The following FIP1L1 variants were observed in gnomAD, a reference collection of about 807,000 sequenced individuals.
The protein encoded by FIP1L1 is pre-mRNA 3'-end-processing factor FIP1.
In FIP1L1, 21 loss-of-function variants were observed where a neutral mutation model predicts 84.6. That is an observed-to-expected ratio of 0.25 (90% CI 0.18 to 0.36). The LOEUF (loss-of-function observed/expected upper bound fraction) is 0.36. FIP1L1 is among the 10% of genes least tolerant of loss of function. The pLI is 1.00. For missense variants in FIP1L1, 526 were observed against 751.1 expected (o/e 0.70, Z 3.50); for synonymous variants, 263 against 242.3 (o/e 1.09, Z -0.80).
At chr4:53,391,952 T>G (rs1251895044) in intron 9 of FIP1L1, among the ~76,000 whole-genome samples, 3 of 152,198 alleles carry the variant, frequency 2.0e-5, no homozygotes, top group African/African-American at 7.2e-5. Context: ...GCTCAAGATA[T>G]CTTCAAAAAT....
intron 5 of FIP1L1, among the ~76,000 whole-genome samples, chr4:53,388,027 A>G (rs1244822712): frequency 1.3e-5 from 2 of 152,216 alleles, no homozygotes; most frequent in Non-Finnish European, 2.9e-5. Context: ...GACAGTAGTA[A>G]TATTTGGTCC....
chr4:53,410,133 G>T (rs1382700751), intron 10 of FIP1L1, among the ~76,000 whole-genome samples: 1 of 152,188 alleles, frequency 6.6e-6, no homozygotes. Context: ...GGCCACCTTG[G>T]CTCCATCCTT....
At chr4:53,407,849 A>G (rs1054152653) in intron 10 of FIP1L1, among the ~76,000 whole-genome samples, 1 of 152,096 alleles carries the variant, frequency 6.6e-6, no homozygotes, top group Non-Finnish European at 1.5e-5. Context: ...TTTGCTTGGT[A>G]GATCTTCCTC....
At chr4:53,404,825 T>G (rs1752354055) in intron 10 of FIP1L1, among the ~76,000 whole-genome samples, 1 of 152,134 alleles carries the variant, frequency 6.6e-6, no homozygotes, top group Admixed American at 6.5e-5. Context: ...GAGAAGTGTC[T>G]GTTCATGTCC....
chr4:53,413,575 A>G (rs773019351), intron 10 of FIP1L1, among the ~76,000 whole-genome samples: 1 of 152,054 alleles, frequency 6.6e-6, no homozygotes, highest in Admixed American at 6.6e-5. Context: ...AAATACACAT[A>G]TAACAGATTC....
chr4:53,390,514 A>G lies in FIP1L1; in HGVS notation c.398-7A>G, dbSNP rs752754997. 14 of 1,588,564 alleles carry G rather than the reference A, an allele frequency of 8.8e-6. No homozygotes were observed. The East Asian group carries it at 2.5e-4, about 28-fold the overall frequency. On this transcript the variant is annotated splice_polypyrimidine_tract_variant and splice_region_variant and intron_variant, in intron 6 of 17. Transcript: ENST00000337488. ...TAGCTCCTTCATTTTGTAATTTTAT[A>G]AAACAGGGACAAAAGTCAAAGGAGT... is the stretch of plus-strand genomic sequence containing the variant.
intron 1 of FIP1L1, chr4:53,378,469 TAAG>T (rs1359786458): frequency 6.6e-6 from 1 of 152,308 alleles, no homozygotes; most frequent in African/African-American, 2.4e-5. Flanking sequence ...AATAATTAAT[TAAG>T]AGAGAGAGAG....
intron 16 of FIP1L1, chr4:53,458,430 CAT>C (rs1274639292): frequency 4.8e-5 from 16 of 332,700 alleles, no homozygotes; most frequent in East Asian, 1.4e-4. Context: ...GGTCATTTAA[CAT>C]GTGTAATTAT....
chr4:53,437,017 C>T (rs1302838630), intron 13 of FIP1L1, among the ~76,000 whole-genome samples: 3 of 151,690 alleles, frequency 2.0e-5, no homozygotes, highest in African/African-American at 7.3e-5. Flanking sequence ...TGAAGAAACC[C>T]CATCTTTATA....
chr4:53,383,593 T>C (rs879494652), intron 4 of FIP1L1, among the ~76,000 whole-genome samples, 180 bp from the exon 5 acceptor site: 5 of 151,362 alleles, frequency 3.3e-5, no homozygotes, highest in Non-Finnish European at 7.4e-5. Context: ...ACCTGGGAGG[T>C]GGAGGTTGCA....
intron 15 of FIP1L1, among the ~76,000 whole-genome samples, chr4:53,448,515 C>A (rs1471934137): frequency 2.6e-5 from 4 of 152,072 alleles, no homozygotes; most frequent in African/African-American, 9.7e-5. Flanking sequence ...CTACATAATG[C>A]TCTTTGAAGC....
intron 10 of FIP1L1, among the ~76,000 whole-genome samples, chr4:53,400,809 A>G (rs1316573292): frequency 6.6e-6 from 1 of 152,238 alleles, no homozygotes; most frequent in African/African-American, 2.4e-5. Context: ...GCTAAATATA[A>G]TCTCAAAATG....
At chr4:53,392,291 T>G (rs1212446554) in intron 9 of FIP1L1, among the ~76,000 whole-genome samples, 5 of 152,240 alleles carry the variant, frequency 3.3e-5, no homozygotes, top group Non-Finnish European at 7.3e-5. Flanking sequence ...CTCAGGGAAC[T>G]TTAGTGGACT....
At chr4:53,410,865 A>G (rs1289325806) in intron 10 of FIP1L1, among the ~76,000 whole-genome samples, 1 of 152,208 alleles carries the variant, frequency 6.6e-6, no homozygotes, top group Non-Finnish European at 1.5e-5. Context: ...AGAAAAAATC[A>G]TTGTACATAT....
chr4:53,419,115 A>G lies in FIP1L1; in HGVS notation c.923+4393A>G, dbSNP rs531200097. Among the ~76,000 whole-genome samples the G allele has an allele frequency of 2.6e-5, 4 of 152,338 alleles. No individual in the cohort carries two copies. In the South Asian group the frequency reaches 6.2e-4, roughly 24 times the overall value. On this transcript the variant is annotated intron_variant, in intron 11 of 17. Transcript: ENST00000337488. ...TAAAAGCATGAAATTAAGCATAAATATGGAAGGTAGAGCTTTATTCCAAGC... is the reference window on the plus strand; with the variant it reads ...TAAAAGCATGAAATTAAGCATAAATGTGGAAGGTAGAGCTTTATTCCAAGC...
At position 53,402,661 on chromosome 4, in the gene FIP1L1, C is replaced by G. The variant is rs1251604235; in HGVS notation, c.815+2822C>G. ...AGGTTGCAGTGAGCCAAGATCACACCACTGCACTCCAGCCTTGGCGACAGA... is the reference window on the plus strand; with the variant it reads ...AGGTTGCAGTGAGCCAAGATCACACGACTGCACTCCAGCCTTGGCGACAGA... On this transcript the variant is annotated intron_variant, in intron 10 of 17. Coordinates refer to ENST00000337488, the MANE Select transcript of FIP1L1 (RefSeq NM_030917.4). 2.6e-5 allele frequency among the ~76,000 whole-genome samples: 4 copies of G among 152,282 alleles called. No individual in the cohort carries two copies. In the East Asian group the frequency reaches 7.7e-4, roughly 29 times the overall value.
At chr4:53,447,551 AC>A (rs1265059162) in intron 15 of FIP1L1, among the ~76,000 whole-genome samples, 2 of 152,204 alleles carry the variant, frequency 1.3e-5, no homozygotes, top group Non-Finnish European at 2.9e-5. Flanking sequence ...ACAATAAACA[AC>A]ATTTACATTA....
At chr4:53,381,841 G>A (rs1262891078) in intron 3 of FIP1L1, among the ~76,000 whole-genome samples, 6 of 137,462 alleles carry the variant, frequency 4.4e-5, no homozygotes, top group African/African-American at 1.7e-4. Context: ...CAGCCTCACT[G>A]CAACCTCTAT....
chr4:53,394,196 G>A (rs1746028396), intron 9 of FIP1L1, among the ~76,000 whole-genome samples: 1 of 152,046 alleles, frequency 6.6e-6, no homozygotes, highest in Admixed American at 6.5e-5. Context: ...ATGATAGGCT[G>A]TTTTGTTTCT....
Sources: allele counts gnomAD v4.1 joint callset (sites outside exome capture counted in the v4.1 genomes callset), GRCh38; gene constraint gnomAD v4.1.1; transcripts MANE v1.5; gene names NCBI Gene and HGNC (gene_info 2026-07-23, HGNC 2026-07-21).